The following FSTL4 variants were observed in gnomAD, a reference collection of about 807,000 sequenced individuals.
FSTL4 encodes the protein follistatin like 4.
In FSTL4, 28 loss-of-function variants were observed where a neutral mutation model predicts 78.2. The ratio of observed to expected loss-of-function variants is 0.36; its 90% CI spans 0.27 to 0.49. FSTL4 has a LOEUF of 0.49. Among genes scored for constraint, FSTL4 ranks in the 20% least tolerant of loss-of-function variants. FSTL4 has a pLI of 0.98. For synonymous variants in FSTL4, 422 were observed against 440.5 expected (o/e 0.96, Z 0.53); for missense variants, 922 against 1,084.9 (o/e 0.85, Z 2.11).
intron 3 of FSTL4, among the ~76,000 whole-genome samples, chr5:133,444,529 A>AT (rs921065752): frequency 3.7e-4 from 57 of 152,060 alleles, no homozygotes; most frequent in Non-Finnish European, 6.9e-4. Flanking sequence ...ATGTCTTTTC[A>AT]TTTTTTCTCT....
the FSTL4 span, among the ~76,000 whole-genome samples, chr5:133,681,043 C>G: frequency 6.6e-6 from 1 of 152,236 alleles, no homozygotes; most frequent in African/African-American, 2.4e-5. Flanking sequence ...AGAGCAGAGG[C>G]AGCCAGGGCA....
At chr5:133,245,371 T>C (rs1342802217) in intron 7 of FSTL4, among the ~76,000 whole-genome samples, 4 of 152,228 alleles carry the variant, frequency 2.6e-5, no homozygotes, top group African/African-American at 9.6e-5. Flanking sequence ...CGCTCCAGAC[T>C]CTTGCAGCAC....
the FSTL4 span, among the ~76,000 whole-genome samples, chr5:133,838,550 G>A: frequency 5.9e-5 from 9 of 152,138 alleles, no homozygotes; most frequent in Non-Finnish European, 1.0e-4. Flanking sequence ...TGCTTCACTC[G>A]CATGTCTGGT....
intron 6 of FSTL4, among the ~76,000 whole-genome samples, chr5:133,278,770 C>T (rs879049627): frequency 3.9e-5 from 6 of 152,222 alleles, no homozygotes; most frequent in Admixed American, 2.6e-4. Flanking sequence ...AAACGCCAGC[C>T]GCTTCCTCAC....
intron 5 of FSTL4, among the ~76,000 whole-genome samples, chr5:133,315,014 T>A (rs1294395806): frequency 6.6e-6 from 1 of 151,984 alleles, no homozygotes; most frequent in Non-Finnish European, 1.5e-5. Flanking sequence ...ATGCAAAAAT[T>A]AGCTGGGTGT....
chr5:133,815,585 C>T, the FSTL4 span, among the ~76,000 whole-genome samples: 1 of 152,208 alleles, frequency 6.6e-6, no homozygotes, highest in Non-Finnish European at 1.5e-5. Flanking sequence ...GGTTCGCACA[C>T]TGGAGATCAG....
intron 3 of FSTL4, among the ~76,000 whole-genome samples, chr5:133,484,984 C>T (rs903753851): frequency 6.6e-6 from 1 of 152,184 alleles, no homozygotes; most frequent in African/African-American, 2.4e-5. Flanking sequence ...TCAATTCAGG[C>T]ATGGTTTGAA....
At chr5:133,792,315 G>T in the FSTL4 span, among the ~76,000 whole-genome samples, 1 of 152,148 alleles carries the variant, frequency 6.6e-6, no homozygotes, top group East Asian at 1.9e-4. Flanking sequence ...CATTTGCTAT[G>T]AACATGGGGT....
Position 133,316,659 on chromosome 5 carries a change from GAGA to G in FSTL4, c.410-10_410-8del. On this transcript the variant is annotated splice_region_variant and splice_polypyrimidine_tract_variant and intron_variant, in intron 4 of 15. Transcript: ENST00000265342. ...GCCATGGTGCACGTGTCACCTGAAA[GAGA>G]AGGTGAGGTTATTATTTTGAGACTT... 1 of 1,600,072 alleles carries G rather than the reference GAGA, an allele frequency of 6.2e-7. No homozygotes were observed. The highest frequency in any genetic ancestry group is 8.6e-7 in the Non-Finnish European group (1 of 1,169,374).
At chr5:133,437,799 G>GT (rs895452557) in intron 3 of FSTL4, among the ~76,000 whole-genome samples, 486 of 145,936 alleles carry the variant, frequency 3.3e-3, no homozygotes, top group African/African-American at 7.2e-3. Flanking sequence ...CCAGTAAATG[G>GT]TTTTTTTTTT....
At chr5:133,449,053 G>A (rs1355584684) in intron 3 of FSTL4, among the ~76,000 whole-genome samples, 1 of 152,120 alleles carries the variant, frequency 6.6e-6, no homozygotes, top group Non-Finnish European at 1.5e-5. Context: ...GGGGTTGAAA[G>A]GGAAGGGAGC....
intron 3 of FSTL4, among the ~76,000 whole-genome samples, chr5:133,496,204 A>G (rs1295873237): frequency 2.0e-5 from 3 of 152,220 alleles, no homozygotes; most frequent in Non-Finnish European, 4.4e-5. Context: ...AATGTATGCA[A>G]CTCTGTAAAA....
the FSTL4 span, among the ~76,000 whole-genome samples, chr5:133,623,410 C>A: frequency 6.6e-6 from 1 of 151,974 alleles, no homozygotes; most frequent in African/African-American, 2.4e-5. Flanking sequence ...AGAACTATCC[C>A]TATGACAATT....
the FSTL4 span, among the ~76,000 whole-genome samples, chr5:133,627,849 T>C: frequency 6.6e-6 from 1 of 151,618 alleles, no homozygotes; most frequent in Non-Finnish European, 1.5e-5. Flanking sequence ...TAAGATATAT[T>C]TATATATAAT....
chr5:133,539,274 C>A (rs1393132881), intron 3 of FSTL4, among the ~76,000 whole-genome samples: 3 of 151,986 alleles, frequency 2.0e-5, no homozygotes, highest in African/African-American at 7.3e-5. Flanking sequence ...GGCCACAATT[C>A]ACATCCCTCC....
intron 2 of FSTL4, among the ~76,000 whole-genome samples, chr5:133,582,690 T>C (rs141539995): frequency 1.3e-3 from 201 of 152,302 alleles, no homozygotes; most frequent in African/African-American, 4.5e-3. Flanking sequence ...CTCTTCTTCC[T>C]TCCATGCTAG....
intron 3 of FSTL4, among the ~76,000 whole-genome samples, chr5:133,562,143 T>A (rs1188789330): frequency 6.6e-6 from 1 of 152,202 alleles, no homozygotes; most frequent in African/African-American, 2.4e-5. Context: ...CTCCAGGCAC[T>A]GTCAAATCTG....
chr5:133,833,339 T>G, the FSTL4 span, among the ~76,000 whole-genome samples: 10 of 152,228 alleles, frequency 6.6e-5, no homozygotes, highest in Admixed American at 5.2e-4. Context: ...ATGAAGAGAT[T>G]ATTAAGAAAT....
chr5:133,793,817 G>T, the FSTL4 span, among the ~76,000 whole-genome samples: 1 of 152,244 alleles, frequency 6.6e-6, no homozygotes, highest in African/African-American at 2.4e-5. Context: ...ACAGGAGCAT[G>T]GAGGCCATTT....
Sources: gnomAD v4.1 joint callset for allele counts (sites outside exome capture counted in the v4.1 genomes callset) on GRCh38, gnomAD v4.1.1 for gene constraint, MANE v1.5 for transcripts, NCBI Gene and HGNC (gene_info 2026-07-23, HGNC 2026-07-21) for gene names.